Variants in SLC35F3 observed in about 807,000 individuals in gnomAD.
SLC35F3 encodes the protein solute carrier family 35 member F3, also known as putative thiamine transporter SLC35F3.
In SLC35F3, 25 loss-of-function variants were observed where a neutral mutation model predicts 49.9. The observed-to-expected ratio is 0.50, with a 90% CI of 0.37 to 0.70. The LOEUF (loss-of-function observed/expected upper bound fraction) is 0.70. SLC35F3 is among the 30% of genes least tolerant of loss of function. The pLI, the probability that SLC35F3 is intolerant of heterozygous loss-of-function variation, is 0.00. For synonymous variants in SLC35F3, 275 were observed against 265.4 expected (o/e 1.04, Z -0.35); for missense variants, 525 against 639.8 (o/e 0.82, Z 1.94).
intron 2 of SLC35F3, among the ~76,000 whole-genome samples, chr1:234,187,221 G>T (rs1023325109): frequency 9.2e-5 from 14 of 152,198 alleles, no homozygotes; most frequent in Admixed American, 8.5e-4. Context: ...CCACACAGCG[G>T]TTTGTAAATT....
chr1:233,913,587 A>T (rs1661919835), intron 2 of SLC35F3, among the ~76,000 whole-genome samples: 1 of 152,208 alleles, frequency 6.6e-6, no homozygotes, highest in South Asian at 2.1e-4. Flanking sequence ...TGCACAGAGT[A>T]TCTCGATCAA....
At chr1:234,271,937 C>A (rs1668113646) in intron 3 of SLC35F3, among the ~76,000 whole-genome samples, 2 of 152,066 alleles carry the variant, frequency 1.3e-5, no homozygotes, top group South Asian at 4.2e-4. Context: ...CCAGCCTGGA[C>A]AACATGGCAA....
At chr1:234,200,748 C>T (rs1346639222) in intron 2 of SLC35F3, among the ~76,000 whole-genome samples, 2 of 152,172 alleles carry the variant, frequency 1.3e-5, no homozygotes, top group Admixed American at 6.5e-5. Context: ...TATTTTACCT[C>T]CAGAAATGTC....
At chr1:233,905,793 G>A (rs1661766661) in intron 2 of SLC35F3, 35 bp downstream of exon 2, 1 of 1,560,032 alleles carries the variant, frequency 6.4e-7, no homozygotes, top group South Asian at 1.2e-5. Flanking sequence ...CCCGTTCACT[G>A]GTCCATCTTC....
At chr1:234,000,715 T>G (rs530528299) in intron 2 of SLC35F3, among the ~76,000 whole-genome samples, 1 of 152,344 alleles carries the variant, frequency 6.6e-6, no homozygotes, top group Non-Finnish European at 1.5e-5. Context: ...TGATTTTTTA[T>G]AGTACAAATG....
intron 2 of SLC35F3, among the ~76,000 whole-genome samples, chr1:233,917,530 C>G (rs1257137237): frequency 1.3e-5 from 2 of 152,078 alleles, no homozygotes; most frequent in African/African-American, 4.8e-5. Context: ...CATTTCTTCT[C>G]TAATGTTTTA....
intron 3 of SLC35F3, among the ~76,000 whole-genome samples, chr1:234,271,877 A>C (rs113472930): frequency 0.059 from 8,921 of 152,210 alleles, 311 homozygotes; most frequent in African/African-American, 0.092. Flanking sequence ...GTAATCCCAG[A>C]ACTTTGGGAG....
chr1:234,124,376 C>T lies in SLC35F3; in HGVS notation c.284-107041C>T, dbSNP rs1665616585. On this transcript the variant is annotated intron_variant, in intron 2 of 7. Transcript: ENST00000366618. ...CCCACAGCTCACATTTATACATTTT[C>T]AAAGGTGAATAGAGAAGATTTAGGG... Among the ~76,000 whole-genome samples the T allele has an allele frequency of 2.0e-5, 3 of 152,346 alleles. No individual in the cohort carries two copies. In the South Asian group the frequency reaches 6.2e-4, roughly 32 times the overall value.
chr1:234,242,783 A>C (rs967975720), intron 3 of SLC35F3, among the ~76,000 whole-genome samples: 1 of 152,198 alleles, frequency 6.6e-6, no homozygotes, highest in African/African-American at 2.4e-5. Flanking sequence ...ACTTACATTT[A>C]ATGAGTTACT....
At chr1:234,307,705 A>G (rs1224342788) in intron 3 of SLC35F3, among the ~76,000 whole-genome samples, 2 of 152,110 alleles carry the variant, frequency 1.3e-5, no homozygotes, top group African/African-American at 4.8e-5. Flanking sequence ...CTATTTCTAG[A>G]TCACTAGCAG....
At chr1:233,965,330 G>A (rs896175306) in intron 2 of SLC35F3, among the ~76,000 whole-genome samples, 2 of 152,112 alleles carry the variant, frequency 1.3e-5, no homozygotes, top group African/African-American at 4.8e-5. Context: ...ACAGCTTGTG[G>A]GCTGAGCTTT....
rs1013926936 is a variant in SLC35F3 at position 234,323,976 on chromosome 1, C to T, written c.*733C>T. On this transcript the variant is annotated 3_prime_UTR_variant, in exon 8 of 8. Transcript: ENST00000366618. This position sits in a 1 kb window ranked among gnomAD's most constrained non-coding sequence, Gnocchi z 4.5. Reference sequence around the variant, plus strand: ...GCGAGGTGACGTGATACGTCACTGGCGCCGTCTTATAATTTAGATGTAAAA... The same window carrying T: ...GCGAGGTGACGTGATACGTCACTGGTGCCGTCTTATAATTTAGATGTAAAA... 1.3e-5 allele frequency: 2 copies of T among 152,204 alleles called. No individual in the cohort carries two copies. Among genetic ancestry groups the T allele is most frequent in the South Asian group, 2.1e-4 (1 of 4,830 alleles). The allele number at this position is 152,204 out of a possible 1,614,324, so 9.4% of individuals were successfully genotyped here. A position where few individuals can be genotyped will look rare whatever the true frequency, so the allele number is the denominator to read the frequency against.
chr1:233,977,733 T>C (rs764918064), intron 2 of SLC35F3, among the ~76,000 whole-genome samples: 7 of 152,178 alleles, frequency 4.6e-5, no homozygotes, highest in Non-Finnish European at 1.0e-4. Flanking sequence ...TCAACAGCAG[T>C]TCAGATATTT....
chr1:234,037,733 T>C (rs914473630), intron 2 of SLC35F3, among the ~76,000 whole-genome samples: 1 of 152,190 alleles, frequency 6.6e-6, no homozygotes, highest in Non-Finnish European at 1.5e-5. Context: ...GAATGTGGCA[T>C]GTAAATTGGT....
intron 2 of SLC35F3, among the ~76,000 whole-genome samples, chr1:234,035,437 A>C (rs1664127602): frequency 6.6e-6 from 1 of 152,196 alleles, no homozygotes; most frequent in Non-Finnish European, 1.5e-5. Context: ...TTGTAATTTC[A>C]GAATTATATG....
intron 3 of SLC35F3, among the ~76,000 whole-genome samples, chr1:234,306,180 G>A (rs940802651): frequency 1.3e-5 from 2 of 152,164 alleles, no homozygotes; most frequent in Non-Finnish European, 2.9e-5. Flanking sequence ...TGTTTTTTGA[G>A]ATGGAGTTTC....
At chr1:234,060,636 G>A (rs1391077823) in intron 2 of SLC35F3, among the ~76,000 whole-genome samples, 1 of 152,078 alleles carries the variant, frequency 6.6e-6, no homozygotes, top group African/African-American at 2.4e-5. Context: ...ATTTTTGGTA[G>A]AGACCGGGTT....
At chr1:234,128,677 C>T (rs1343257468) in intron 2 of SLC35F3, among the ~76,000 whole-genome samples, 1 of 152,162 alleles carries the variant, frequency 6.6e-6, no homozygotes, top group East Asian at 1.9e-4. Flanking sequence ...TAAGAAAAGG[C>T]ATGGGTATGC....
intron 2 of SLC35F3, among the ~76,000 whole-genome samples, chr1:234,178,636 C>G (rs1239544976): frequency 6.6e-6 from 1 of 151,664 alleles, no homozygotes; most frequent in African/African-American, 2.4e-5. Context: ...ATCATCACCA[C>G]CCAGAGCTCC....
Sources: allele counts gnomAD v4.1 joint callset (sites outside exome capture counted in the v4.1 genomes callset), GRCh38; gene constraint gnomAD v4.1.1; non-coding constraint Gnocchi (gnomAD v3.1); transcripts MANE v1.5; gene names NCBI Gene and HGNC (gene_info 2026-07-23, HGNC 2026-07-21).